Variants in HMCN1 observed in about 807,000 individuals in gnomAD.
HMCN1 encodes the protein hemicentin-1.
A neutral mutation model predicts 625.9 loss-of-function variants in HMCN1; 321 were observed. The observed-to-expected ratio is 0.51, with a 90% CI of 0.47 to 0.56. HMCN1 has a LOEUF of 0.56. HMCN1 is among the 20% of genes least tolerant of loss of function. HMCN1 has a pLI of 0.00. For synonymous variants in HMCN1, 2,425 were observed against 2,417.6 expected (o/e 1.00, Z -0.09); for missense variants, 6,588 against 6,887.3 (o/e 0.96, Z 1.54).
In HMCN1 at chr1:186,145,482, C is replaced by T. The variant is rs780999593; in HGVS notation, c.14346C>T (p.Arg4782=). The change falls in exon 92 of 107, where the codon CGC becomes CGT. Residue 4782 remains arginine (R), a synonymous_variant. Transcript: ENST00000271588. ...TCNGGQMRRY[R]TCDNPPPSNG... is the part of the protein sequence containing the mutation. ...ACGGAGGGCAGATGCGGCGGTACCGCACATGTGATAACCCTCCTCCCTCCA... is the reference window on the plus strand; with the variant it reads ...ACGGAGGGCAGATGCGGCGGTACCGTACATGTGATAACCCTCCTCCCTCCA... The T allele has an allele frequency of 7.4e-6, 12 of 1,613,618 alleles. No homozygotes were observed. The highest frequency in any genetic ancestry group is 1.0e-5 in the Non-Finnish European group (12 of 1,179,848).
chr1:186,151,550 C>A, intron 94 of HMCN1, 56 bp from the exon 95 acceptor site: 1 of 1,530,000 alleles, frequency 6.5e-7, no homozygotes, highest in Non-Finnish European at 9.0e-7. Flanking sequence ...GCTATGAAGA[C>A]AATAAAATAG....
chr1:185,828,608 A>G (rs747770397), intron 1 of HMCN1, among the ~76,000 whole-genome samples: 8 of 152,154 alleles, frequency 5.3e-5, no homozygotes, highest in Admixed American at 2.6e-4. Flanking sequence ...TGAAAACACA[A>G]TACTTCTTTT....
intron 62 of HMCN1, 98 bp from the exon 63 acceptor site, chr1:186,088,508 C>G: frequency 7.0e-7 from 1 of 1,429,534 alleles, no homozygotes; most frequent in Non-Finnish European, 9.5e-7. Context: ...TTAAGAAATG[C>G]ATTTATCACG....
chr1:186,164,063 C>A (rs909685508), intron 97 of HMCN1, among the ~76,000 whole-genome samples: 2 of 151,856 alleles, frequency 1.3e-5, no homozygotes, highest in Non-Finnish European at 2.9e-5. Context: ...TAAATAGTGA[C>A]ACACACACAC....
intron 1 of HMCN1, among the ~76,000 whole-genome samples, chr1:185,835,146 G>C (rs925186303): frequency 6.6e-6 from 1 of 152,144 alleles, no homozygotes; most frequent in Non-Finnish European, 1.5e-5. Context: ...CTGCCTTTTA[G>C]AATTCAGGTT....
chr1:186,100,360 T>A (rs1350959432), intron 68 of HMCN1, among the ~76,000 whole-genome samples: 1 of 152,082 alleles, frequency 6.6e-6, no homozygotes, highest in Non-Finnish European at 1.5e-5. Context: ...AATGCAAACA[T>A]CTTAACTTGG....
chr1:185,868,347 C>A (rs952406663), intron 4 of HMCN1, among the ~76,000 whole-genome samples: 6 of 152,128 alleles, frequency 3.9e-5, no homozygotes, highest in African/African-American at 1.4e-4. Context: ...TGTGTCTCCC[C>A]CCACTGCCCC....
chr1:185,848,803 T>A (rs536906481), intron 2 of HMCN1, among the ~76,000 whole-genome samples: 1 of 150,602 alleles, frequency 6.6e-6, no homozygotes, highest in Admixed American at 6.5e-5. Flanking sequence ...TCAGTCCAAC[T>A]GTTAGTAAGT....
chr1:186,151,669 TAGG>T lies in HMCN1; in HGVS notation c.14825_14827del (p.Gly4942del). 3 of 1,613,322 alleles carry T rather than the reference TAGG, an allele frequency of 1.9e-6. No homozygotes were observed. Among genetic ancestry groups the T allele is most frequent in the Non-Finnish European group, 2.5e-6 (3 of 1,179,384 alleles). On this transcript the variant is annotated inframe_deletion, in exon 95 of 107. Coordinates refer to ENST00000271588, the MANE Select transcript of HMCN1 (RefSeq NM_031935.3). Reference sequence around the variant, plus strand: ...ATTTATTGGACAACAGCAAAGGAAATAGGAGAAGCAGTCAATGGCTTTACCCTC... The same window carrying T: ...ATTTATTGGACAACAGCAAAGGAAATAGAAGCAGTCAATGGCTTTACCCTC...
rs191094547 is a variant in HMCN1 at position 185,901,221 on chromosome 1, G to T, written c.622-8116G>T. Among the ~76,000 whole-genome samples the T allele has an allele frequency of 4.6e-5, 7 of 151,818 alleles. No homozygotes were observed. The East Asian group carries it at 1.2e-3, about 25-fold the overall frequency. Reference sequence around the variant, plus strand: ...GTCACAATTATACTCAAAATCTGTTGAATCACCCTTAAATTATTACGACCT... The same window carrying T: ...GTCACAATTATACTCAAAATCTGTTTAATCACCCTTAAATTATTACGACCT... On this transcript the variant is annotated intron_variant, in intron 4 of 106. Coordinates refer to ENST00000271588, the MANE Select transcript of HMCN1 (RefSeq NM_031935.3).
chr1:186,145,942 C>G lies in HMCN1; in HGVS notation c.14608+19C>G. On this transcript the variant is annotated intron_variant, in intron 93 of 106. Transcript: ENST00000271588. ...TGTCCAGGTAAGCAACTAAATTGGA[C>G]TTTGGTAGCACATTTAGAGCCTTTG... 1 of 1,612,192 alleles carries G rather than the reference C, an allele frequency of 6.2e-7. No individual in the cohort carries two copies. Among genetic ancestry groups the G allele is most frequent in the African/African-American group, 1.3e-5 (1 of 74,764 alleles).
At chr1:185,995,164 T>G in intron 24 of HMCN1, 77 bp downstream of exon 24, 12 of 1,281,092 alleles carry the variant, frequency 9.4e-6, no homozygotes, top group South Asian at 1.2e-5. Context: ...ATAGATTATC[T>G]TCGATAATCT....
intron 1 of HMCN1, among the ~76,000 whole-genome samples, chr1:185,831,847 C>T (rs1180903981): frequency 6.6e-6 from 1 of 152,060 alleles, no homozygotes; most frequent in African/African-American, 2.4e-5. Flanking sequence ...AATAAAAAAC[C>T]TTCTAAGATT....
intron 51 of HMCN1, among the ~76,000 whole-genome samples, chr1:186,070,301 A>G (rs901589972): frequency 4.6e-5 from 7 of 152,218 alleles, no homozygotes; most frequent in Admixed American, 3.9e-4. Flanking sequence ...TTAATGACCA[A>G]TAAGATACAT....
intron 6 of HMCN1, among the ~76,000 whole-genome samples, chr1:185,916,095 T>G (rs1458311011): frequency 6.6e-6 from 1 of 151,902 alleles, no homozygotes; most frequent in Non-Finnish European, 1.5e-5. Context: ...TGTATTTAAG[T>G]AGAATTTATG....
chr1:185,976,192 A>AG (rs1319400946), intron 15 of HMCN1, among the ~76,000 whole-genome samples: 31 of 152,142 alleles, frequency 2.0e-4, no homozygotes, highest in Admixed American at 2.0e-3. Context: ...GGCATCATAG[A>AG]GGAGGGGCCT....
intron 48 of HMCN1, 27 bp downstream of exon 48, chr1:186,062,627 G>C (rs1223198333): frequency 5.4e-6 from 8 of 1,474,160 alleles, no homozygotes; most frequent in Non-Finnish European, 7.6e-6. Flanking sequence ...CAGACTTTTG[G>C]TGCTCCCCCC....
rs931760030 is a variant in HMCN1 at position 186,017,227 on chromosome 1, T to C, written c.5300+156T>C. 7.2e-5 allele frequency among the ~76,000 whole-genome samples: 11 copies of C among 152,114 alleles called. 1 individual carries two copies. Among genetic ancestry groups the C allele is most frequent in the Admixed American group, 3.3e-4 (5 of 15,240 alleles). On this transcript the variant is annotated intron_variant, in intron 33 of 106. Coordinates refer to ENST00000271588, the MANE Select transcript of HMCN1 (RefSeq NM_031935.3). ...AAGACATGCTCTATATACAAGGCAA[T>C]GTCTACTTGATAGTCCAAAGGCACC... is the stretch of plus-strand genomic sequence containing the variant.
chr1:186,088,515 C>G, intron 62 of HMCN1, 91 bp from the exon 63 acceptor site: 1 of 1,460,256 alleles, frequency 6.8e-7, no homozygotes, highest in Non-Finnish European at 9.3e-7. Context: ...ATGCATTTAT[C>G]ACGTAAAGTA....
Sources: allele counts gnomAD v4.1 joint callset (sites outside exome capture counted in the v4.1 genomes callset), GRCh38; gene constraint gnomAD v4.1.1; transcripts MANE v1.5; gene names NCBI Gene and HGNC (gene_info 2026-07-23, HGNC 2026-07-21).